CFAP298: variants seen among roughly 807,000 people sequenced by gnomAD.
CFAP298 encodes cilia- and flagella-associated protein 298.
A neutral mutation model predicts 41.0 loss-of-function variants in CFAP298; 38 were observed. That is an observed-to-expected ratio of 0.93 (90% CI 0.72 to 1.22). CFAP298 has a LOEUF of 1.22. Ranked by LOEUF, CFAP298 falls within the 50% of genes most tolerant of loss-of-function variation. The probability of loss-of-function intolerance (pLI) is 0.00; values close to 1 mark genes in which losing one functional copy is unlikely to be tolerated. For synonymous variants in CFAP298, 137 were observed against 135.3 expected (o/e 1.01, Z -0.09); for missense variants, 348 against 360.3 (o/e 0.97, Z 0.28).
chr21:32,611,887 C>T (rs2039008375), intron 1 of CFAP298, among the ~76,000 whole-genome samples: 1 of 152,232 alleles, frequency 6.6e-6, no homozygotes, highest in African/African-American at 2.4e-5. Context: ...CCGAGAGGCA[C>T]CTGGGCCCAC....
chr21:32,610,339 C>T (rs1039257623), intron 1 of CFAP298, among the ~76,000 whole-genome samples: 1 of 152,158 alleles, frequency 6.6e-6, no homozygotes, highest in Non-Finnish European at 1.5e-5. Flanking sequence ...CTCAGCCTCC[C>T]GAGTAGCTGG....
At position 32,602,504 on chromosome 21, in the gene CFAP298, G is replaced by C. The variant is rs2038766171; in HGVS notation, c.667-137C>G. On this transcript the variant is annotated intron_variant, in intron 5 of 6. Transcript: ENST00000290155. ...GGTCCCCCATGTCTGATCACCCGAA[G>C]TGAAGCATCAAGGGAAGCCTTGGTC... 3.5e-6 allele frequency: 5 copies of C among 1,446,716 alleles called. No homozygotes were observed. In the East Asian group the frequency reaches 1.3e-4, roughly 36 times the overall value. The allele number at this position is 1,446,716 out of a possible 1,614,324, so 89.6% of individuals were successfully genotyped here. A position where few individuals can be genotyped will look rare whatever the true frequency, so the allele number is the denominator to read the frequency against.
rs181153365 is a variant in CFAP298, at chr21:32,599,625, A to G, written c.*2238T>C. 1.3e-5 allele frequency among the ~76,000 whole-genome samples: 2 copies of G among 152,330 alleles called. No homozygotes were observed. The highest frequency in any genetic ancestry group is 3.9e-4 in the East Asian group (2 of 5,188). On this transcript the variant is annotated 3_prime_UTR_variant, in exon 7 of 7. Coordinates refer to ENST00000290155, the MANE Select transcript of CFAP298 (RefSeq NM_021254.4). Reference sequence around the variant, plus strand: ...AATTGATTTCTTGGGAAATCCTGGGAAAGTTCCTGGACGTGACCCTGTGGT... The same window carrying G: ...AATTGATTTCTTGGGAAATCCTGGGGAAGTTCCTGGACGTGACCCTGTGGT...
chr21:32,612,105 C>T lies in CFAP298; in HGVS notation c.139G>A (p.Glu47Lys). 6.4e-7 allele frequency: 1 copy of T among 1,551,372 alleles called. No individual in the cohort carries two copies. Among genetic ancestry groups the T allele is most frequent in the South Asian group, 1.2e-5 (1 of 83,834 alleles). Reference sequence around the variant, plus strand: ...GGATGGGCCCACCCGCGAGCCGCACCTGAGCAGAGGCGCTGCACCTTGAGC... The same window carrying T: ...GGATGGGCCCACCCGCGAGCCGCACTTGAGCAGAGGCGCTGCACCTTGAGC... ...GRLKVQRLCS[E>K]MEELAEHGIF... The change falls in exon 1 of 7, where the codon GAA (glutamate) becomes AAA (lysine). Residue 47 changes from glutamate to lysine, a missense_variant and splice_region_variant. Transcript: ENST00000290155.
At chr21:32,603,076 A>G in intron 5 of CFAP298, 85 bp downstream of exon 5, 4 of 1,507,394 alleles carry the variant, frequency 2.7e-6, no homozygotes, top group Non-Finnish European at 3.7e-6. Flanking sequence ...CCAGTAGTTT[A>G]AATCTTTCGG....
intron 2 of CFAP298, among the ~76,000 whole-genome samples, chr21:32,609,209 A>G (rs1047130639): frequency 6.6e-6 from 1 of 152,214 alleles, no homozygotes; most frequent in African/African-American, 2.4e-5. Flanking sequence ...AACAAAACAC[A>G]ACTCTGAATA....
At position 32,603,803 on chromosome 21, in the gene CFAP298, C is replaced by T. The variant is rs111768941; in HGVS notation, c.534+322G>A. Among the ~76,000 whole-genome samples, 676 of 152,294 alleles carry T rather than the reference C, an allele frequency of 4.4e-3. 6 individuals are homozygous for T. Among genetic ancestry groups the T allele is most frequent in the African/African-American group, 0.015 (617 of 41,568 alleles). On this transcript the variant is annotated intron_variant, in intron 4 of 6. Transcript: ENST00000290155. Reference sequence around the variant, plus strand: ...ACAAATTTCCATGCAAAGGGACTGACGCATTTGGGTAGAAATAGGAAGAAA... The same window carrying T: ...ACAAATTTCCATGCAAAGGGACTGATGCATTTGGGTAGAAATAGGAAGAAA...
In CFAP298 at chr21:32,612,300, G is replaced by A; in HGVS notation, c.-57C>T. ...AAGGCCCCGGCTGCGTGGCCCGCGG[G>A]TCCTGCCGGCCGAGGGTCGCCGGAT... On this transcript the variant is annotated 5_prime_UTR_variant, in exon 1 of 7. Transcript: ENST00000290155. 6.7e-7 allele frequency: 1 copy of A among 1,494,406 alleles called. No homozygotes were observed. 92.6% of individuals were successfully genotyped at this position (1,494,406 alleles called of 1,614,324 possible).
At position 32,607,678 on chromosome 21, in the gene CFAP298, T is replaced by C. The variant is rs370314274; in HGVS notation, c.346A>G (p.Ile116Val). ...EKMKQVLKKT[I>V]EEAKAIISKK... ...GATATTATTGCTTTGGCTTCTTCTATAGTCTTCTTTAACACTTGCTTCATC... is the reference window on the plus strand; with the variant it reads ...GATATTATTGCTTTGGCTTCTTCTACAGTCTTCTTTAACACTTGCTTCATC... The change falls in exon 3 of 7, where the codon ATA (isoleucine) becomes GTA (valine). Residue 116 changes from isoleucine (I) to valine (V), a missense_variant. Transcript: ENST00000290155. 3.7e-6 allele frequency: 6 copies of C among 1,600,370 alleles called. No individual in the cohort carries two copies. The highest frequency in any genetic ancestry group is 2.2e-5 in the East Asian group (1 of 44,774).
chr21:32,603,155 A>G lies in CFAP298; in HGVS notation c.666+6T>C, dbSNP rs372359409. ...CTACTGACACATTAAAGCAAAAAGT[A>G]CTTACTTGCTGAATCTTGGCGATAA... On this transcript the variant is annotated splice_donor_region_variant and intron_variant, in intron 5 of 6. Coordinates refer to ENST00000290155, the MANE Select transcript of CFAP298 (RefSeq NM_021254.4). 149 of 1,614,172 alleles carry G rather than the reference A, an allele frequency of 9.2e-5. 6 individuals are homozygous for G. In the Middle Eastern group the frequency reaches 5.9e-3, roughly 64 times the overall value.
chr21:32,611,987 G>T, intron 1 of CFAP298, 118 bp downstream of exon 1: 1 of 1,212,580 alleles, frequency 8.2e-7, no homozygotes, highest in Non-Finnish European at 1.1e-6. Flanking sequence ...AACCCCGGCT[G>T]CTGCAAATCT....
In CFAP298 at chr21:32,600,084, G is replaced by C. The variant is rs1364410281; in HGVS notation, c.*1779C>G. The stretch of plus-strand genomic sequence containing the variant: ...TTGGTTAACTGTTTCTTACAAGTCT[G>C]AGCATGAATTTAACACACACGAACT... On this transcript the variant is annotated 3_prime_UTR_variant, in exon 7 of 7. Coordinates refer to ENST00000290155, the MANE Select transcript of CFAP298 (RefSeq NM_021254.4). 6.6e-6 allele frequency among the ~76,000 whole-genome samples: 1 copy of C among 152,174 alleles called. No individual in the cohort carries two copies. The highest frequency in any genetic ancestry group is 1.5e-5 in the Non-Finnish European group (1 of 68,030).
rs1220932405 is a variant in CFAP298 at position 32,599,771 on chromosome 21, A to G, written c.*2092T>C. Among the ~76,000 whole-genome samples the G allele has an allele frequency of 6.6e-6, 1 of 152,192 alleles. No homozygotes were observed. Among genetic ancestry groups the G allele is most frequent in the African/African-American group, 2.4e-5 (1 of 41,428 alleles). On this transcript the variant is annotated 3_prime_UTR_variant, in exon 7 of 7. Coordinates refer to ENST00000290155, the MANE Select transcript of CFAP298 (RefSeq NM_021254.4). ...CCCCGCCGTCACAGATGGCTTGCAA[A>G]TAAGCTACTCACGTACTTCCTGAGA...
intron 3 of CFAP298, among the ~76,000 whole-genome samples, chr21:32,605,133 C>T (rs186686710): frequency 2.0e-5 from 3 of 152,272 alleles, no homozygotes; most frequent in Admixed American, 6.5e-5. Flanking sequence ...AAGCCAAAAT[C>T]GTGCCACTGC....
intron 2 of CFAP298, among the ~76,000 whole-genome samples, chr21:32,608,950 A>G (rs2038929141): frequency 6.6e-6 from 1 of 152,238 alleles, no homozygotes. Context: ...CTGTTCAATT[A>G]CAGTGTTTTA....
chr21:32,611,676 G>A (rs2039004200), intron 1 of CFAP298, among the ~76,000 whole-genome samples: 1 of 152,074 alleles, frequency 6.6e-6, no homozygotes, highest in African/African-American at 2.4e-5. Context: ...ACTGTAAGGG[G>A]CCGTCCCAAA....
chr21:32,606,457 G>T (rs1323134748), intron 3 of CFAP298, among the ~76,000 whole-genome samples: 4 of 152,134 alleles, frequency 2.6e-5, no homozygotes, highest in Non-Finnish European at 5.9e-5. Context: ...GCAAAGTGTG[G>T]GGAGAAGGGT....
In CFAP298 at chr21:32,603,186, GT is replaced by G. The variant is rs1656824410; in HGVS notation, c.640del (p.Thr214ProfsTer29). The G allele has an allele frequency of 6.2e-7, 1 of 1,614,184 alleles. No individual in the cohort carries two copies. Among genetic ancestry groups the G allele is most frequent in the Non-Finnish European group, 8.5e-7 (1 of 1,180,020 alleles). ...TTGCTGAATCTTGGCGATAATTTTG[GT>G]TTTTTCATTCTTCCCCACGTAGTCT... ...LSDYVGKNEK[T>X]KIIAKIQQRG... On this transcript the variant is annotated frameshift_variant, in exon 5 of 7. Coordinates refer to ENST00000290155, the MANE Select transcript of CFAP298 (RefSeq NM_021254.4). LOFTEE classifies it high-confidence loss of function.
rs1332390505 is a variant in CFAP298 at position 32,599,820 on chromosome 21, G to A, written c.*2043C>T. Among the ~76,000 whole-genome samples the A allele has an allele frequency of 1.3e-5, 2 of 152,194 alleles. No homozygotes were observed. The highest frequency in any genetic ancestry group is 1.9e-4 in the East Asian group (1 of 5,198). On this transcript the variant is annotated 3_prime_UTR_variant, in exon 7 of 7. Coordinates refer to ENST00000290155, the MANE Select transcript of CFAP298 (RefSeq NM_021254.4). ...GATCTGCTGCACCCAAACACACCAA[G>A]CTCAGAGAGGCTTTTGAGGCAGACA...
Sources: allele counts gnomAD v4.1 joint callset (sites outside exome capture counted in the v4.1 genomes callset), GRCh38; gene constraint gnomAD v4.1.1; transcripts MANE v1.5; gene names NCBI Gene and HGNC (gene_info 2026-07-23, HGNC 2026-07-21).